Variants in CHRNB3 observed in about 807,000 individuals in gnomAD.
The protein encoded by CHRNB3 is cholinergic receptor nicotinic beta 3 subunit.
In CHRNB3, 37 loss-of-function variants were observed where a neutral mutation model predicts 40.6. The ratio of observed to expected loss-of-function variants is 0.91; its 90% CI spans 0.70 to 1.20. The LOEUF is 1.20. Ranked by LOEUF, CHRNB3 falls within the 50% of genes most tolerant of loss-of-function variation. The pLI is 0.00. For missense variants in CHRNB3, 505 were observed against 551.2 expected (o/e 0.92, Z 0.84); for synonymous variants, 207 against 207.1 (o/e 1.00, Z 0.00).
chr8:42,708,388 C>A (rs1356311597), intron 1 of CHRNB3, among the ~76,000 whole-genome samples: 1 of 151,984 alleles, frequency 6.6e-6, no homozygotes, highest in Non-Finnish European at 1.5e-5. Context: ...ATGGCATGAA[C>A]CCTGGAGGCG....
intron 5 of CHRNB3, 105 bp downstream of exon 5, chr8:42,732,654 T>G: frequency 9.8e-7 from 1 of 1,019,694 alleles, no homozygotes; most frequent in South Asian, 1.8e-5. Flanking sequence ...AAATGTGACG[T>G]TATATAAGAC....
At position 42,708,474 on chromosome 8, in the gene CHRNB3, TAC is replaced by T. The variant is rs4955; in HGVS notation, c.53-221_53-220del. Among the ~76,000 whole-genome samples, 1,117 of 148,922 alleles carry T rather than the reference TAC, an allele frequency of 7.5e-3. 6 individuals carry two copies. Among genetic ancestry groups the T allele is most frequent in the Non-Finnish European group, 0.012 (793 of 67,232 alleles). ...GAGTGAGACTCTGTCTCAAAAAAAA[TAC>T]ACACACACACACACACACACAAACA... On this transcript the variant is annotated intron_variant, in intron 1 of 5. Transcript: ENST00000289957.
intron 3 of CHRNB3, among the ~76,000 whole-genome samples, chr8:42,723,348 T>G (rs535996120): frequency 2.0e-5 from 3 of 152,270 alleles, no homozygotes; most frequent in African/African-American, 7.2e-5. Flanking sequence ...TTTTGTTTTC[T>G]CTCTTTGATG....
Position 42,732,459 on chromosome 8 carries a change from AGAAAAAGTTCTAGTTGCTTTTTTG to A in CHRNB3, c.1160_1183del (p.Val387_Lys394del). On this transcript the variant is annotated inframe_deletion, in exon 5 of 6. Transcript: ENST00000289957. ...AGAAACAGAAACAGCTTAGTGATGG[AGAAAAAGTTCTAGTTGCTTTTTTG>A]GAAAAAGCTGCTGATTCCATTAGAT... 1 of 1,613,722 alleles carries A rather than the reference AGAAAAAGTTCTAGTTGCTTTTTTG, an allele frequency of 6.2e-7. No individual in the cohort carries two copies. Among genetic ancestry groups the A allele is most frequent in the Non-Finnish European group, 8.5e-7 (1 of 1,179,984 alleles).
In CHRNB3 at chr8:42,736,605, A is replaced by G. The variant is rs760670573; in HGVS notation, c.1364A>G (p.His455Arg). ...IFTPALKMWL[H>R]SYH Reference sequence around the variant, plus strand: ...ACCCCTGCTTTGAAGATGTGGCTACATAGTTACCATTAGGAATTTAAAAGA... The same window carrying G: ...ACCCCTGCTTTGAAGATGTGGCTACGTAGTTACCATTAGGAATTTAAAAGA... The change falls in exon 6 of 6, where the codon CAT becomes CGT. Residue 455 changes from histidine (H) to arginine (R), a missense_variant. Physicochemically the swap from His to Arg is conservative, Grantham distance 29. Coordinates refer to ENST00000289957, the MANE Select transcript of CHRNB3 (RefSeq NM_000749.5). 7 of 1,614,080 alleles carry G rather than the reference A, an allele frequency of 4.3e-6. No individual in the cohort carries two copies. Among genetic ancestry groups the G allele is most frequent in the Non-Finnish European group, 5.9e-6 (7 of 1,180,050 alleles).
At chr8:42,708,136 T>C (rs573175322) in intron 1 of CHRNB3, among the ~76,000 whole-genome samples, 33 of 152,180 alleles carry the variant, frequency 2.2e-4, no homozygotes, top group African/African-American at 7.9e-4. Context: ...GACCCCATGA[T>C]GGGAAAATCT....
At chr8:42,733,886 T>C (rs1816471461) in intron 5 of CHRNB3, among the ~76,000 whole-genome samples, 1 of 147,214 alleles carries the variant, frequency 6.8e-6, no homozygotes, top group Admixed American at 6.8e-5. Context: ...TGAGCCACCG[T>C]GACCAGCCCA....
chr8:42,700,158 T>C (rs576666202), intron 1 of CHRNB3, among the ~76,000 whole-genome samples: 12 of 151,868 alleles, frequency 7.9e-5, no homozygotes, highest in African/African-American at 1.4e-4. Flanking sequence ...GGACTACAGG[T>C]GCCCACCACC....
chr8:42,703,043 T>G (rs1815844428), intron 1 of CHRNB3, among the ~76,000 whole-genome samples: 1 of 152,132 alleles, frequency 6.6e-6, no homozygotes, highest in South Asian at 2.1e-4. Context: ...TGGAGGTACT[T>G]CTTGGCTTTA....
chr8:42,717,866 C>A (rs1324140087), intron 3 of CHRNB3, among the ~76,000 whole-genome samples: 1 of 145,348 alleles, frequency 6.9e-6, no homozygotes, highest in African/African-American at 2.6e-5. Context: ...CACTCTGTCG[C>A]CCAGGCTGGA....
intron 1 of CHRNB3, among the ~76,000 whole-genome samples, chr8:42,700,921 G>GAGGAA (rs144624995): frequency 0.011 from 1,708 of 152,148 alleles, 38 homozygotes; most frequent in African/African-American, 0.039. Flanking sequence ...CTGAGAGACT[G>GAGGAA]AGGAAACAGA....
At chr8:42,726,236 G>A in intron 3 of CHRNB3, 1 of 755,474 alleles carries the variant, frequency 1.3e-6, no homozygotes, top group Non-Finnish European at 2.3e-6. Flanking sequence ...CATCTTTCTA[G>A]TGTTGCAGCT....
At chr8:42,715,148 C>T (rs528733751) in intron 3 of CHRNB3, among the ~76,000 whole-genome samples, 2 of 152,022 alleles carry the variant, frequency 1.3e-5, no homozygotes, top group African/African-American at 2.4e-5. Flanking sequence ...GAGGACATAG[C>T]GTTAGTTACT....
chr8:42,717,439 A>AGAGGTCT (rs1172204309), intron 3 of CHRNB3, among the ~76,000 whole-genome samples: 1 of 146,576 alleles, frequency 6.8e-6, no homozygotes, highest in African/African-American at 2.5e-5. Context: ...GGCTAGTACT[A>AGAGGTCT]GAGGTCTGGG....
In CHRNB3 at chr8:42,731,843, C is replaced by T; in HGVS notation, c.536C>T (p.Thr179Ile). ...MKFGSWTYDG[T>I]MVDLILINEN... is the part of the protein sequence containing the mutation. ...TTTGGATCCTGGACTTATGATGGCA[C>T]CATGGTTGACCTCATTTTGATCAAT... Residue 179 changes from threonine to isoleucine, a missense_variant, in exon 5 of 6, where the codon ACC becomes ATC. Coordinates refer to ENST00000289957, the MANE Select transcript of CHRNB3 (RefSeq NM_000749.5). The T allele has an allele frequency of 6.2e-7, 1 of 1,614,028 alleles. No individual in the cohort carries two copies. Among genetic ancestry groups the T allele is most frequent in the Non-Finnish European group, 8.5e-7 (1 of 1,180,018 alleles).
At chr8:42,698,048 A>G (rs529613683) in intron 1 of CHRNB3, among the ~76,000 whole-genome samples, 26 of 152,338 alleles carry the variant, frequency 1.7e-4, no homozygotes, top group African/African-American at 6.3e-4. Flanking sequence ...ATTTTAATAA[A>G]TCTGTGTATG....
At chr8:42,727,373 G>GA (rs758556619) in intron 3 of CHRNB3, among the ~76,000 whole-genome samples, 4,294 of 84,784 alleles carry the variant, frequency 0.051, 105 homozygotes, top group Non-Finnish European at 0.073. Flanking sequence ...ACTCTGTCTC[G>GA]AAAAAAAAAA....
chr8:42,710,506 A>G, intron 3 of CHRNB3, 72 bp downstream of exon 3: 1 of 1,199,940 alleles, frequency 8.3e-7, no homozygotes, highest in Non-Finnish European at 1.2e-6. Context: ...CTCCTATCTG[A>G]AAAACAATTA....
intron 1 of CHRNB3, among the ~76,000 whole-genome samples, chr8:42,701,580 G>A (rs1034442795): frequency 6.6e-6 from 1 of 152,144 alleles, no homozygotes; most frequent in African/African-American, 2.4e-5. Flanking sequence ...CAGAAGGTCA[G>A]GTCTTCAATT....
Sources: gnomAD v4.1 joint callset for allele counts (sites outside exome capture counted in the v4.1 genomes callset) on GRCh38, gnomAD v4.1.1 for gene constraint, MANE v1.5 for transcripts, NCBI Gene and HGNC (gene_info 2026-07-23, HGNC 2026-07-21) for gene names.